Variants in OSBPL10 observed in about 807,000 individuals in gnomAD.
OSBPL10 encodes the protein oxysterol binding protein like 10, also known as oxysterol-binding protein-related protein 10.
Under a neutral mutation model 81.7 loss-of-function variants are expected in OSBPL10, and 49 were observed. The ratio of observed to expected loss-of-function variants is 0.60; its 90% CI spans 0.48 to 0.76. The LOEUF (loss-of-function observed/expected upper bound fraction) is 0.76. OSBPL10 is among the 30% of genes least tolerant of loss of function. The pLI, the probability that OSBPL10 is intolerant of heterozygous loss-of-function variation, is 0.00. For missense variants in OSBPL10, 923 were observed against 987.8 expected (o/e 0.93, Z 0.88); for synonymous variants, 419 against 383.6 (o/e 1.09, Z -1.08).
chr3:31,818,982 T>G (rs1040668148), intron 4 of OSBPL10, among the ~76,000 whole-genome samples: 2 of 152,196 alleles, frequency 1.3e-5, no homozygotes, highest in African/African-American at 4.8e-5. Flanking sequence ...GCAGGCACTT[T>G]CAGGCAAAAT....
chr3:31,945,417 T>C (rs1697672417), intron 1 of OSBPL10, among the ~76,000 whole-genome samples: 1 of 152,202 alleles, frequency 6.6e-6, no homozygotes, highest in Non-Finnish European at 1.5e-5. Context: ...TGACATACGA[T>C]CCAGCCCTCA....
chr3:31,728,355 G>C (rs755245002), intron 6 of OSBPL10, among the ~76,000 whole-genome samples: 11 of 152,194 alleles, frequency 7.2e-5, no homozygotes, highest in Non-Finnish European at 1.3e-4. Flanking sequence ...CCTCTGCTTA[G>C]TCTCCAGGGG....
intron 6 of OSBPL10, chr3:31,707,233 G>C (rs1696099098): frequency 6.6e-6 from 1 of 152,136 alleles, no homozygotes. Flanking sequence ...GACATGCAGG[G>C]GCAAGAGGGT....
At chr3:31,698,859 T>C (rs1695807661) in intron 7 of OSBPL10, among the ~76,000 whole-genome samples, 1 of 152,206 alleles carries the variant, frequency 6.6e-6, no homozygotes, top group African/African-American at 2.4e-5. Context: ...TGATATGCTC[T>C]ATTTCTCTTC....
intron 6 of OSBPL10, chr3:31,711,193 C>T (rs1158999301): frequency 6.6e-6 from 1 of 152,212 alleles, no homozygotes; most frequent in Non-Finnish European, 1.5e-5. Flanking sequence ...TGGCACTTAG[C>T]AAAGTGGATT....
intron 4 of OSBPL10, among the ~76,000 whole-genome samples, chr3:31,792,364 A>G (rs1319584048): frequency 1.3e-5 from 2 of 152,186 alleles, no homozygotes; most frequent in Non-Finnish European, 2.9e-5. Context: ...ATCGAGTTGT[A>G]AAAAAGCTTT....
At chr3:31,737,964 C>T (rs1344662816) in intron 5 of OSBPL10, among the ~76,000 whole-genome samples, 1 of 150,972 alleles carries the variant, frequency 6.6e-6, no homozygotes, top group Non-Finnish European at 1.5e-5. Context: ...TGCACTCCAG[C>T]CCTCCAGCCT....
At chr3:31,677,259 A>G (rs1259022519) in intron 8 of OSBPL10, among the ~76,000 whole-genome samples, 1 of 152,124 alleles carries the variant, frequency 6.6e-6, no homozygotes, top group East Asian at 1.9e-4. Context: ...AAGTTTGGAG[A>G]TTCTTAGAAA....
At chr3:31,718,045 A>G (rs572916497) in intron 6 of OSBPL10, 1 of 152,310 alleles carries the variant, frequency 6.6e-6, no homozygotes, top group East Asian at 1.9e-4. Context: ...GTGCTCAGGT[A>G]GGACCTACAA....
intron 1 of OSBPL10, among the ~76,000 whole-genome samples, chr3:31,938,953 C>G (rs1697459850): frequency 6.6e-6 from 1 of 152,122 alleles, no homozygotes; most frequent in South Asian, 2.1e-4. Flanking sequence ...TCACCTTCAT[C>G]TGTATCCATC....
intron 3 of OSBPL10, among the ~76,000 whole-genome samples, chr3:31,870,884 G>T (rs548496121): frequency 6.6e-6 from 1 of 151,756 alleles, no homozygotes; most frequent in Non-Finnish European, 1.5e-5. Context: ...TACACCAATC[G>T]ACACTCTGTA....
intron 4 of OSBPL10, among the ~76,000 whole-genome samples, chr3:31,827,260 A>G (rs2125521412): frequency 6.6e-6 from 1 of 152,198 alleles, no homozygotes; most frequent in South Asian, 2.1e-4. Flanking sequence ...AAATTTCAAT[A>G]GCTTTCCCCA....
intron 7 of OSBPL10, among the ~76,000 whole-genome samples, chr3:31,685,112 T>A (rs1436944790): frequency 6.6e-6 from 1 of 152,192 alleles, no homozygotes; most frequent in African/African-American, 2.4e-5. Flanking sequence ...GGGAAGCCCA[T>A]AACTCATTAC....
At chr3:31,797,604 C>T (rs747995434) in intron 4 of OSBPL10, among the ~76,000 whole-genome samples, 1 of 152,162 alleles carries the variant, frequency 6.6e-6, no homozygotes, top group Non-Finnish European at 1.5e-5. Context: ...ATATTTCCAT[C>T]CCTCCAAACT....
chr3:31,724,869 C>T (rs1696758555), intron 6 of OSBPL10, among the ~76,000 whole-genome samples: 1 of 152,178 alleles, frequency 6.6e-6, no homozygotes, highest in Non-Finnish European at 1.5e-5. Flanking sequence ...AGGAGGAGCT[C>T]TTAACCACAG....
chr3:31,876,759 A>G (rs796139424), intron 2 of OSBPL10, among the ~76,000 whole-genome samples: 5 of 152,214 alleles, frequency 3.3e-5, no homozygotes, highest in African/African-American at 9.7e-5. Context: ...AATACCCGTT[A>G]TAAGAATAAT....
intron 1 of OSBPL10, among the ~76,000 whole-genome samples, chr3:31,951,109 A>AATGGT (rs1307374842): frequency 1.3e-5 from 2 of 152,240 alleles, no homozygotes; most frequent in Non-Finnish European, 2.9e-5. Context: ...TACACACAGC[A>AATGGT]GTAACACCGT....
chr3:31,754,919 T>C (rs768641822), intron 4 of OSBPL10, among the ~76,000 whole-genome samples: 1 of 152,216 alleles, frequency 6.6e-6, no homozygotes, highest in Non-Finnish European at 1.5e-5. Context: ...GTTAGGGGAC[T>C]CTGGGTCCCA....
chr3:32,023,891 T>A (rs889553094), intron 2 of OSBPL10, among the ~76,000 whole-genome samples: 1 of 152,162 alleles, frequency 6.6e-6, no homozygotes, highest in East Asian at 1.9e-4. Flanking sequence ...AGTAAGAGAC[T>A]AACAACAATA....
Sources: allele counts gnomAD v4.1 joint callset (sites outside exome capture counted in the v4.1 genomes callset), GRCh38; gene constraint gnomAD v4.1.1; transcripts MANE v1.5; gene names NCBI Gene and HGNC (gene_info 2026-07-23, HGNC 2026-07-21).